TOGARAM2: variants seen among roughly 807,000 people sequenced by gnomAD.
TOGARAM2 encodes TOG array regulator of axonemal microtubules protein 2.
Under a neutral mutation model 93.3 loss-of-function variants are expected in TOGARAM2, and 85 were observed. The observed-to-expected ratio is 0.91, with a 90% CI of 0.76 to 1.09. TOGARAM2 has a LOEUF of 1.09. Among genes scored for constraint, TOGARAM2 ranks in the 50% least tolerant of loss-of-function variants. The pLI is 0.00. For synonymous variants in TOGARAM2, 593 were observed against 552.8 expected (o/e 1.07, Z -1.02); for missense variants, 1,277 against 1,334.5 (o/e 0.96, Z 0.67).
chr2:28,971,808 T>G (rs967882678), intron 1 of TOGARAM2, among the ~76,000 whole-genome samples: 3 of 152,194 alleles, frequency 2.0e-5, no homozygotes, highest in Non-Finnish European at 4.4e-5. Context: ...AGTAAAATAT[T>G]ATTTGAATCG....
rs754869697 is a variant in TOGARAM2 at position 29,033,077 on chromosome 2, A to G, written c.2130+26A>G. ...GTGAGCTGTGGGGCATAAGTGGGTCATGGCCTTTTGGGGGTGGGGGTGACA... is the reference window on the plus strand; with the variant it reads ...GTGAGCTGTGGGGCATAAGTGGGTCGTGGCCTTTTGGGGGTGGGGGTGACA... On this transcript the variant is annotated intron_variant, in intron 15 of 19. Coordinates refer to ENST00000379558, the MANE Select transcript of TOGARAM2 (RefSeq NM_199280.4). 12 of 1,595,472 alleles carry G rather than the reference A, an allele frequency of 7.5e-6. No individual in the cohort carries two copies. The African/African-American group carries it at 1.5e-4, about 20-fold the overall frequency.
In TOGARAM2 at chr2:29,003,641, A is replaced by G; in HGVS notation, c.789A>G (p.Pro263=). The G allele has an allele frequency of 6.3e-7, 1 of 1,589,086 alleles. No homozygotes were observed. Among genetic ancestry groups the G allele is most frequent in the Non-Finnish European group, 8.6e-7 (1 of 1,169,000 alleles). The change falls in exon 6 of 20, where the codon CCA becomes CCG. Residue 263 remains proline, a synonymous_variant. Transcript: ENST00000379558. ...VPGSLPSPLP[P]GQGVLTGLRA... is the part of the protein sequence containing the mutation. The stretch of plus-strand genomic sequence containing the variant: ...GCTCCCTTCCCAGCCCGTTACCTCC[A>G]GGCCAGGGAGTCCTCACAGGCCTGA...
chr2:28,961,721 C>A (rs1671806840), intron 1 of TOGARAM2, among the ~76,000 whole-genome samples: 1 of 152,202 alleles, frequency 6.6e-6, no homozygotes, highest in South Asian at 2.1e-4. Context: ...CCTGTATAGT[C>A]ACAACACAAT....
chr2:29,038,090 A>G (rs904674671), intron 18 of TOGARAM2, among the ~76,000 whole-genome samples: 3 of 152,140 alleles, frequency 2.0e-5, no homozygotes, highest in Non-Finnish European at 4.4e-5. Context: ...CTAGTGTCTC[A>G]TACTGTCACA....
At chr2:28,995,153 G>C (rs1205677268) in intron 2 of TOGARAM2, among the ~76,000 whole-genome samples, 2 of 152,222 alleles carry the variant, frequency 1.3e-5, no homozygotes, top group Non-Finnish European at 2.9e-5. Flanking sequence ...GGCTAATTCT[G>C]TTCTGTGGTC....
chr2:29,029,264 T>TACACACACACACACACACACAC (rs146395549), intron 14 of TOGARAM2, among the ~76,000 whole-genome samples: 11 of 147,880 alleles, frequency 7.4e-5, no homozygotes, highest in Admixed American at 2.7e-4. Context: ...TATGTGTGTA[T>TACACACACACACACACACACAC]ACACACACAC....
chr2:29,024,589 G>C (rs1219530930), intron 13 of TOGARAM2, among the ~76,000 whole-genome samples: 1 of 152,160 alleles, frequency 6.6e-6, no homozygotes, highest in Non-Finnish European at 1.5e-5. Context: ...CTTCACAGCA[G>C]GTGCTTCCCA....
At chr2:29,026,799 G>A in intron 13 of TOGARAM2, 54 bp from the exon 14 acceptor site, 1 of 1,454,080 alleles carries the variant, frequency 6.9e-7, no homozygotes, top group Non-Finnish European at 9.1e-7. Flanking sequence ...GCCAGCCTGG[G>A]GACTCCCACA....
intron 3 of TOGARAM2, 28 bp from the exon 4 acceptor site, chr2:28,999,153 A>G (rs368956951): frequency 1.3e-5 from 21 of 1,581,776 alleles, no homozygotes; most frequent in Non-Finnish European, 1.7e-5. Context: ...ACTGCGTGCC[A>G]AGCCATTCAC....
chr2:28,992,148 A>G (rs1476835082), intron 1 of TOGARAM2, among the ~76,000 whole-genome samples: 1 of 152,126 alleles, frequency 6.6e-6, no homozygotes, highest in East Asian at 1.9e-4. Context: ...TGCCCTGTCC[A>G]CACTTGTGCT....
intron 1 of TOGARAM2, among the ~76,000 whole-genome samples, chr2:28,975,395 T>G (rs535620263): frequency 2.6e-5 from 4 of 151,958 alleles, no homozygotes; most frequent in Non-Finnish European, 5.9e-5. Flanking sequence ...TCACTGTGTT[T>G]GCCAGGATGG....
intron 1 of TOGARAM2, among the ~76,000 whole-genome samples, chr2:28,962,143 C>T (rs993579893): frequency 7.3e-5 from 11 of 151,060 alleles, no homozygotes; most frequent in Admixed American, 1.3e-4. Flanking sequence ...GGAGAATTTG[C>T]GGATATTGCT....
intron 11 of TOGARAM2, among the ~76,000 whole-genome samples, 175 bp downstream of exon 11, chr2:29,022,483 C>T (rs554658641): frequency 2.6e-5 from 4 of 152,246 alleles, no homozygotes; most frequent in Middle Eastern, 3.4e-3. Context: ...TGTTTATGTG[C>T]GTGTGTGCAT....
chr2:29,032,858 T>C, intron 14 of TOGARAM2, 76 bp from the exon 15 acceptor site: 1 of 1,198,778 alleles, frequency 8.3e-7, no homozygotes, highest in South Asian at 1.4e-5. Flanking sequence ...ATTAGGAAGA[T>C]TATGTAAAGC....
intron 2 of TOGARAM2, 52 bp downstream of exon 2, chr2:28,994,914 C>G (rs1007552574): frequency 6.5e-7 from 1 of 1,544,882 alleles, no homozygotes; most frequent in African/African-American, 1.4e-5. Context: ...GCTAGGGGAC[C>G]TGCCTCGGAC....
At chr2:29,006,177 C>T (rs1267594141) in intron 6 of TOGARAM2, among the ~76,000 whole-genome samples, 3 of 82,622 alleles carry the variant, frequency 3.6e-5, no homozygotes. Flanking sequence ...GCATGTGTGA[C>T]CACATGTGTG....
chr2:28,959,476 G>C (rs1192812060), intron 1 of TOGARAM2, among the ~76,000 whole-genome samples: 1 of 152,142 alleles, frequency 6.6e-6, no homozygotes, highest in Admixed American at 6.6e-5. Context: ...AGTATAGGCC[G>C]GGTGCGGTGG....
At chr2:28,957,088 G>A (rs1451900374) in intron 1 of TOGARAM2, among the ~76,000 whole-genome samples, 1 of 151,970 alleles carries the variant, frequency 6.6e-6, no homozygotes, top group African/African-American at 2.4e-5. Flanking sequence ...TGGGCCACAA[G>A]AGGGAGACTT....
chr2:28,993,113 A>G lies in TOGARAM2; in HGVS notation c.-110-1612A>G, dbSNP rs553792118. Among the ~76,000 whole-genome samples the G allele has an allele frequency of 2.0e-5, 3 of 151,912 alleles. No individual in the cohort carries two copies. The South Asian group carries it at 6.2e-4, about 32-fold the overall frequency. ...AAAGAAAAAAAAATCCCTGTGGCCT[A>G]TTTCCTAGACCTAATTCAGCAGGGG... is the stretch of plus-strand genomic sequence containing the variant. On this transcript the variant is annotated intron_variant, in intron 1 of 19. Coordinates refer to ENST00000379558, the MANE Select transcript of TOGARAM2 (RefSeq NM_199280.4).
Sources: gnomAD v4.1 joint callset for allele counts (sites outside exome capture counted in the v4.1 genomes callset) on GRCh38, gnomAD v4.1.1 for gene constraint, MANE v1.5 for transcripts, NCBI Gene and HGNC (gene_info 2026-07-23, HGNC 2026-07-21) for gene names.